Variants in CCDC148 observed in about 807,000 individuals in gnomAD.
The protein encoded by CCDC148 is coiled-coil domain-containing protein 148.
Under a neutral mutation model 85.7 loss-of-function variants are expected in CCDC148, and 89 were observed. That is an observed-to-expected ratio of 1.04 (90% confidence interval 0.87 to 1.24). CCDC148 has a LOEUF of 1.24. Among genes scored for constraint, CCDC148 ranks in the 50% most tolerant of loss-of-function variants. The pLI, the probability that CCDC148 is intolerant of heterozygous loss-of-function variation, is 0.00. For missense variants in CCDC148, 692 were observed against 671.7 expected (o/e 1.03, Z -0.33); for synonymous variants, 230 against 213.9 (o/e 1.08, Z -0.66).
At chr2:158,388,838 T>G (rs1685192379) in intron 1 of CCDC148, among the ~76,000 whole-genome samples, 1 of 151,972 alleles carries the variant, frequency 6.6e-6, no homozygotes, top group African/African-American at 2.4e-5. Context: ...CTTTCTAGAG[T>G]TGTGAGGATT....
intron 11 of CCDC148, among the ~76,000 whole-genome samples, chr2:158,194,256 C>A (rs577673872): frequency 6.6e-6 from 1 of 152,094 alleles, no homozygotes; most frequent in Non-Finnish European, 1.5e-5. Context: ...ACAGGTAAAA[C>A]AACAACATTA....
chr2:158,441,768 G>C (rs113720556), intron 1 of CCDC148, among the ~76,000 whole-genome samples: 1 of 152,132 alleles, frequency 6.6e-6, no homozygotes, highest in Admixed American at 6.5e-5. Flanking sequence ...GAGAGGAAAA[G>C]TGAAATACTC....
chr2:158,355,230 G>A (rs570584944), intron 2 of CCDC148, among the ~76,000 whole-genome samples: 1 of 152,212 alleles, frequency 6.6e-6, no homozygotes, highest in East Asian at 1.9e-4. Context: ...TCAGGCCAGG[G>A]CAATTAGGCA....
intron 1 of CCDC148, among the ~76,000 whole-genome samples, chr2:158,453,964 C>T (rs1039765132): frequency 1.3e-5 from 2 of 152,158 alleles, no homozygotes; most frequent in Non-Finnish European, 2.9e-5. Flanking sequence ...TTTAAATCAT[C>T]CTCTTCTCAA....
chr2:158,309,438 C>A lies in CCDC148; in HGVS notation c.1105G>T (p.Ala369Ser). The A allele has an allele frequency of 6.2e-7, 1 of 1,612,944 alleles. No individual in the cohort carries two copies. The highest frequency in any genetic ancestry group is 8.5e-7 in the Non-Finnish European group (1 of 1,179,298). The change falls in exon 9 of 14, where the codon GCC (alanine) becomes TCC (serine). Residue 369 changes from alanine (A) to serine (S), a missense_variant. Coordinates refer to ENST00000283233, the MANE Select transcript of CCDC148 (RefSeq NM_138803.4). ...ACACCTGTGCAGCATCTTACCTTGG[C>A]TTTCAGATCAGCACACAATTCCTGT... Reference protein sequence around the residue: ...KQQELCADLKAKVRQWRAHQE... With the variant: ...KQQELCADLKSKVRQWRAHQE...
Position 158,333,006 on chromosome 2 carries a change from G to T in CCDC148, c.764+5720C>A, listed in dbSNP as rs192063646. On this transcript the variant is annotated intron_variant, in intron 7 of 13. Transcript: ENST00000283233. ...AGTTCCTGGATTCATTGATTTTTTT[G>T]AAGGGTTTTTCTTGTCTCTATCTCT... is the stretch of plus-strand genomic sequence containing the variant. 6.6e-5 allele frequency among the ~76,000 whole-genome samples: 10 copies of T among 151,866 alleles called. No homozygotes were observed. In the East Asian group the frequency reaches 1.9e-3, roughly 29 times the overall value.
chr2:158,330,314 T>A (rs552383739), intron 7 of CCDC148, among the ~76,000 whole-genome samples: 1 of 152,336 alleles, frequency 6.6e-6, no homozygotes, highest in Non-Finnish European at 1.5e-5. Flanking sequence ...TTACGTTTAT[T>A]GATTTGCATA....
chr2:158,432,941 A>G (rs67303418), intron 1 of CCDC148, among the ~76,000 whole-genome samples: 24,499 of 150,266 alleles, frequency 0.16, 2,145 homozygotes, highest in Middle Eastern at 0.21. Context: ...AAAAATTAAC[A>G]TAGGTAAAAT....
intron 11 of CCDC148, among the ~76,000 whole-genome samples, chr2:158,218,911 T>C (rs530476499): frequency 1.3e-5 from 2 of 152,346 alleles, no homozygotes; most frequent in East Asian, 3.9e-4. Flanking sequence ...TGGGAAATAA[T>C]GTGCATTTCG....
chr2:158,248,549 A>G (rs908039887), intron 10 of CCDC148, among the ~76,000 whole-genome samples: 6 of 152,122 alleles, frequency 3.9e-5, no homozygotes, highest in Non-Finnish European at 8.8e-5. Context: ...CTCTATATAA[A>G]TAGGACAACA....
chr2:158,278,572 G>A (rs1368769131), intron 9 of CCDC148, among the ~76,000 whole-genome samples: 1 of 152,210 alleles, frequency 6.6e-6, no homozygotes. Flanking sequence ...CGAGGCTGGG[G>A]GAGGGGCGCC....
At chr2:158,180,628 A>C (rs556182356) in intron 11 of CCDC148, among the ~76,000 whole-genome samples, 2 of 152,200 alleles carry the variant, frequency 1.3e-5, no homozygotes, top group East Asian at 3.9e-4. Context: ...TCAGGGTGGC[A>C]AGAACAGAAC....
chr2:158,278,430 G>A (rs568554836), intron 9 of CCDC148, among the ~76,000 whole-genome samples: 35 of 152,242 alleles, frequency 2.3e-4, no homozygotes, highest in African/African-American at 6.3e-4. Context: ...CCCTAATACC[G>A]CACTTTTCCG....
intron 1 of CCDC148, among the ~76,000 whole-genome samples, chr2:158,433,020 T>C (rs945502447): frequency 6.9e-6 from 1 of 145,880 alleles, no homozygotes; most frequent in African/African-American, 2.5e-5. Flanking sequence ...GGTGGACTGC[T>C]TCAGCTCAGG....
chr2:158,173,436 T>C (rs1684412530), intron 13 of CCDC148, among the ~76,000 whole-genome samples: 1 of 152,024 alleles, frequency 6.6e-6, no homozygotes, highest in Admixed American at 6.6e-5. Flanking sequence ...ATATAATCAT[T>C]GTAGTTGCAT....
intron 10 of CCDC148, among the ~76,000 whole-genome samples, chr2:158,229,142 A>T (rs1013254127): frequency 6.6e-6 from 1 of 152,068 alleles, no homozygotes; most frequent in Non-Finnish European, 1.5e-5. Flanking sequence ...GACTTCCTCC[A>T]TTCTAGGGAA....
intron 9 of CCDC148, among the ~76,000 whole-genome samples, chr2:158,278,304 G>A (rs763847764): frequency 4.6e-5 from 7 of 152,070 alleles, no homozygotes; most frequent in Non-Finnish European, 7.3e-5. Context: ...CACCATGCAC[G>A]AGCCTAAGCA....
intron 1 of CCDC148, among the ~76,000 whole-genome samples, chr2:158,432,266 TC>T (rs1344200793): frequency 6.6e-6 from 1 of 150,822 alleles, no homozygotes. Flanking sequence ...TAGGCTTACA[TC>T]CAACCATAGT....
chr2:158,226,109 A>C (rs1388185788), intron 10 of CCDC148, among the ~76,000 whole-genome samples: 3 of 152,246 alleles, frequency 2.0e-5, no homozygotes, highest in Non-Finnish European at 4.4e-5. Flanking sequence ...GCAATAAAAA[A>C]TGATAAAGGG....
Sources: gnomAD v4.1 joint callset for allele counts (sites outside exome capture counted in the v4.1 genomes callset) on GRCh38, gnomAD v4.1.1 for gene constraint, MANE v1.5 for transcripts, NCBI Gene and HGNC (gene_info 2026-07-23, HGNC 2026-07-21) for gene names.